Variants in NBEA observed in about 807,000 individuals in gnomAD.
The protein encoded by NBEA is lysosomal-trafficking regulator 2.
A neutral mutation model predicts 343.4 loss-of-function variants in NBEA; 44 were observed. That is an observed-to-expected ratio of 0.13 (90% CI 0.10 to 0.16). NBEA has a LOEUF of 0.16. NBEA is among the 10% of genes least tolerant of loss of function. The pLI is 1.00. For synonymous variants in NBEA, 1,175 were observed against 1,238.7 expected (o/e 0.95, Z 1.08); for missense variants, 2,555 against 3,631.3 (o/e 0.70, Z 7.62).
At chr13:35,417,603 G>C (rs2044002673) in intron 38 of NBEA, among the ~76,000 whole-genome samples, 1 of 152,134 alleles carries the variant, frequency 6.6e-6, no homozygotes, top group African/African-American at 2.4e-5. Context: ...CTGAGAGATA[G>C]TTTGTTTTAA....
In NBEA at chr13:35,182,371, A is replaced by G. The variant is rs1222113564; in HGVS notation, c.4674A>G (p.Lys1558=). 2.5e-6 allele frequency: 4 copies of G among 1,603,666 alleles called. No individual in the cohort carries two copies. In the South Asian group the frequency reaches 3.4e-5, roughly 13 times the overall value. ...AVVFRDVDDS[K]QAQFLALAVV... The stretch of plus-strand genomic sequence containing the variant: ...TTCATTTTTCATAGGATGATAGCAA[A>G]CAAGCACAGTTCTTAGCTCTGGCTG... Residue 1558 remains lysine (K), a synonymous_variant, in exon 29 of 59, where the codon AAA becomes AAG. Transcript: ENST00000379939.
At position 35,217,152 on chromosome 13, in the gene NBEA, G is replaced by T. The variant is rs573009955; in HGVS notation, c.5648+5973G>T. On this transcript the variant is annotated intron_variant, in intron 33 of 58. Coordinates refer to ENST00000379939, the MANE Select transcript of NBEA (RefSeq NM_001385012.1). Reference sequence around the variant, plus strand: ...AAATATGCAGAACATCTTTTCTTGTGTTTATTTTCCATCAATATGTCTCCT... The same window carrying T: ...AAATATGCAGAACATCTTTTCTTGTTTTTATTTTCCATCAATATGTCTCCT... 4.6e-5 allele frequency among the ~76,000 whole-genome samples: 7 copies of T among 151,892 alleles called. No individual in the cohort carries two copies. The South Asian group carries it at 1.5e-3, about 32-fold the overall frequency.
chr13:35,548,103 G>A (rs1197299820), intron 41 of NBEA, among the ~76,000 whole-genome samples: 1 of 152,116 alleles, frequency 6.6e-6, no homozygotes, highest in East Asian at 1.9e-4. Flanking sequence ...CCTTCCTCCT[G>A]TGTGGTCTCT....
At chr13:35,148,709 T>C (rs73167777) in intron 18 of NBEA, among the ~76,000 whole-genome samples, 1 of 152,194 alleles carries the variant, frequency 6.6e-6, no homozygotes, top group South Asian at 2.1e-4. Context: ...TAATTACAAA[T>C]ATATTTATCA....
chr13:35,274,671 G>C lies in NBEA; in HGVS notation c.5777-15718G>C, dbSNP rs796442574. 4.1e-4 allele frequency among the ~76,000 whole-genome samples: 62 copies of C among 152,196 alleles called. 1 individual carries two copies. The highest frequency in any genetic ancestry group is 1.4e-3 in the African/African-American group (59 of 41,526). Reference sequence around the variant, plus strand: ...GATAAGCAACTTCAGCAAAGACTCAGGTACAAAATCAATGTGCAAAAATCA... The same window carrying C: ...GATAAGCAACTTCAGCAAAGACTCACGTACAAAATCAATGTGCAAAAATCA... On this transcript the variant is annotated intron_variant, in intron 34 of 58. Coordinates refer to ENST00000379939, the MANE Select transcript of NBEA (RefSeq NM_001385012.1).
intron 53 of NBEA, among the ~76,000 whole-genome samples, chr13:35,653,232 A>G (rs2084644776): frequency 6.6e-6 from 1 of 152,008 alleles, no homozygotes; most frequent in African/African-American, 2.4e-5. Flanking sequence ...TATCTGTATC[A>G]CTGGATGATT....
chr13:35,350,094 G>A (rs565901812), intron 37 of NBEA, among the ~76,000 whole-genome samples: 48 of 152,178 alleles, frequency 3.2e-4, no homozygotes, highest in African/African-American at 8.9e-4. Context: ...GTGAAGTTTC[G>A]TATTAGTAAA....
chr13:35,572,831 T>A (rs1033435505), intron 45 of NBEA, among the ~76,000 whole-genome samples: 1 of 152,068 alleles, frequency 6.6e-6, no homozygotes, highest in Non-Finnish European at 1.5e-5. Flanking sequence ...CTAGAGCAAG[T>A]TTCTGTGGTT....
chr13:35,332,673 G>A (rs1378488796), intron 36 of NBEA, among the ~76,000 whole-genome samples: 1 of 152,100 alleles, frequency 6.6e-6, no homozygotes, highest in Non-Finnish European at 1.5e-5. Context: ...TGTATTAGAA[G>A]GATGGAAGAT....
At chr13:35,086,851 A>T (rs533883989) in intron 10 of NBEA, among the ~76,000 whole-genome samples, 1 of 152,092 alleles carries the variant, frequency 6.6e-6, no homozygotes, top group Admixed American at 6.6e-5. Context: ...AACTGGGGTA[A>T]GTTGATGCCT....
intron 38 of NBEA, among the ~76,000 whole-genome samples, chr13:35,428,372 T>C (rs1246404034): frequency 6.6e-6 from 1 of 152,238 alleles, no homozygotes; most frequent in Admixed American, 6.5e-5. Context: ...CTAAATGTTG[T>C]GCTCCACAGA....
At chr13:35,426,472 C>T (rs1470102938) in intron 38 of NBEA, among the ~76,000 whole-genome samples, 7 of 152,206 alleles carry the variant, frequency 4.6e-5, no homozygotes, top group Admixed American at 2.6e-4. Context: ...GTTGAATTGG[C>T]CCCCACTCTC....
At chr13:34,965,243 G>A (rs543026068) in intron 1 of NBEA, among the ~76,000 whole-genome samples, 4 of 151,960 alleles carry the variant, frequency 2.6e-5, no homozygotes, top group African/African-American at 9.7e-5. Flanking sequence ...TATCTTTAAG[G>A]ATTTCAAGAT....
intron 52 of NBEA, among the ~76,000 whole-genome samples, chr13:35,650,984 A>G (rs1183478700): frequency 6.6e-6 from 1 of 152,180 alleles, no homozygotes; most frequent in Non-Finnish European, 1.5e-5. Context: ...GTTATTGGTG[A>G]TATTATCAAC....
chr13:35,655,860 G>A, intron 55 of NBEA, 111 bp downstream of exon 55: 1 of 1,100,544 alleles, frequency 9.1e-7, no homozygotes, highest in African/African-American at 1.6e-5. Context: ...TTTAAAATAT[G>A]AAAGCTTAAG....
rs1172313427 is a variant in NBEA, at chr13:35,475,272, C to T, written c.6585+2736C>T. 1.9e-6 allele frequency: 3 copies of T among 1,613,964 alleles called. No individual in the cohort carries two copies. The East Asian group carries it at 6.7e-5, about 36-fold the overall frequency. On this transcript the variant is annotated intron_variant, in intron 41 of 58. Transcript: ENST00000379939. ...CACCCAGGCAAGACTCGTCCCAGTC[C>T]GACTCTCGGGGATGCTTTTCACACT...
At chr13:35,074,138 G>A (rs2064003606) in intron 10 of NBEA, among the ~76,000 whole-genome samples, 1 of 152,136 alleles carries the variant, frequency 6.6e-6, no homozygotes. Flanking sequence ...ACAACTTTGT[G>A]TATGTGATTA....
At chr13:35,253,990 T>C (rs1332869390) in intron 34 of NBEA, among the ~76,000 whole-genome samples, 2 of 152,222 alleles carry the variant, frequency 1.3e-5, no homozygotes, top group Non-Finnish European at 2.9e-5. Flanking sequence ...GGACATTTTG[T>C]TGGAAATTAG....
intron 41 of NBEA, among the ~76,000 whole-genome samples, chr13:35,503,972 T>C (rs1341786616): frequency 6.6e-6 from 1 of 152,188 alleles, no homozygotes. Flanking sequence ...AAATACATGA[T>C]TTGAAGTGTG....
Sources: allele counts gnomAD v4.1 joint callset (sites outside exome capture counted in the v4.1 genomes callset), GRCh38; gene constraint gnomAD v4.1.1; transcripts MANE v1.5; gene names NCBI Gene and HGNC (gene_info 2026-07-23, HGNC 2026-07-21).